ARHGEF11: variants seen among roughly 807,000 people sequenced by gnomAD.
The protein encoded by ARHGEF11 is Rho guanine exchange factor (GEF) 11.
ARHGEF11 carries 55 observed loss-of-function variants against 193.7 expected under a neutral mutation model. The ratio of observed to expected loss-of-function variants is 0.28; its 90% confidence interval spans 0.23 to 0.36. The LOEUF (loss-of-function observed/expected upper bound fraction) is 0.36. Ranked by LOEUF, ARHGEF11 falls within the 10% of genes least tolerant of loss-of-function variation. The pLI, the probability that ARHGEF11 is intolerant of heterozygous loss-of-function variation, is 1.00. For missense variants in ARHGEF11, 1,723 were observed against 2,005.6 expected (o/e 0.86, Z 2.69); for synonymous variants, 693 against 768.0 (o/e 0.90, Z 1.62).
chr1:156,984,902 G>C (rs1557903671), intron 2 of ARHGEF11, among the ~76,000 whole-genome samples: 1 of 151,992 alleles, frequency 6.6e-6, no homozygotes, highest in East Asian at 1.9e-4. Context: ...TTTTTATAGA[G>C]CTGGATAACT....
chr1:156,986,016 G>T, intron 2 of ARHGEF11, 66 bp downstream of exon 2: 1 of 1,363,264 alleles, frequency 7.3e-7, no homozygotes, highest in East Asian at 2.3e-5. Context: ...CTCCCAAGTA[G>T]CTGGGAATAC....
At chr1:156,976,883 G>C in intron 7 of ARHGEF11, 100 bp downstream of exon 7, 1 of 1,064,824 alleles carries the variant, frequency 9.4e-7, no homozygotes, top group Non-Finnish European at 1.4e-6. Flanking sequence ...ACTGTGATAG[G>C]ATATTGCCTG....
At chr1:156,996,290 G>C (rs865994526) in intron 1 of ARHGEF11, among the ~76,000 whole-genome samples, 1 of 152,146 alleles carries the variant, frequency 6.6e-6, no homozygotes, top group South Asian at 2.1e-4. Context: ...AAAGTGTGTT[G>C]GTAGTTACAA....
At chr1:156,950,108 A>G (rs1658850528) in intron 22 of ARHGEF11, among the ~76,000 whole-genome samples, 1 of 152,238 alleles carries the variant, frequency 6.6e-6, no homozygotes, top group Non-Finnish European at 1.5e-5. Context: ...TATCTACGAC[A>G]TCATGTGCTT....
chr1:156,956,639 C>G (rs753865129), intron 18 of ARHGEF11, 75 bp from the exon 19 acceptor site: 7 of 1,583,390 alleles, frequency 4.4e-6, no homozygotes. Context: ...TCTTCACCAC[C>G]ACGCAGTGGA....
rs1763911 is a variant in ARHGEF11 at position 157,012,476 on chromosome 1, T to C, written c.33-26303A>G. Among the ~76,000 whole-genome samples, 1,267 of 152,332 alleles carry C rather than the reference T, an allele frequency of 8.3e-3. 17 individuals are homozygous for C. The highest frequency in any genetic ancestry group is 0.02 in the Middle Eastern group (6 of 294). ...ATTTAAATGGATGAATTTTATGATA[T>C]GTGCAATATATTTCAAAAAAACGAT... On this transcript the variant is annotated intron_variant, in intron 1 of 40. Transcript: ENST00000368194.
intron 1 of ARHGEF11, among the ~76,000 whole-genome samples, chr1:156,998,122 C>T (rs1031409135): frequency 1.3e-5 from 2 of 152,202 alleles, no homozygotes; most frequent in African/African-American, 2.4e-5. Context: ...TCTCCTTGTT[C>T]GCTGGACTGT....
At chr1:157,001,930 C>T (rs551550076) in intron 1 of ARHGEF11, among the ~76,000 whole-genome samples, 4 of 152,286 alleles carry the variant, frequency 2.6e-5, no homozygotes, top group East Asian at 1.9e-4. Context: ...TCACAATTCA[C>T]GCAGCACAGT....
At chr1:156,952,105 T>C (rs985619395) in intron 21 of ARHGEF11, among the ~76,000 whole-genome samples, 2 of 152,132 alleles carry the variant, frequency 1.3e-5, no homozygotes, top group Non-Finnish European at 2.9e-5. Context: ...TGCCAAAATA[T>C]ATCAGACATT....
At chr1:156,983,952 C>A (rs1220475943) in intron 3 of ARHGEF11, among the ~76,000 whole-genome samples, 1 of 152,176 alleles carries the variant, frequency 6.6e-6, no homozygotes, top group Non-Finnish European at 1.5e-5. Flanking sequence ...AGGTTATAAA[C>A]CTCTGTAGAA....
At chr1:156,946,612 G>A (rs1171653840) in intron 28 of ARHGEF11, 50 bp downstream of exon 28, 2 of 1,612,772 alleles carry the variant, frequency 1.2e-6, no homozygotes, top group Admixed American at 1.7e-5. Context: ...GGAGATCCTT[G>A]GTGACCTTGA....
intron 7 of ARHGEF11, among the ~76,000 whole-genome samples, chr1:156,974,569 G>A (rs1232191946): frequency 5.3e-5 from 8 of 152,168 alleles, no homozygotes; most frequent in Non-Finnish European, 1.0e-4. Flanking sequence ...GTGGTCTCTA[G>A]TATATTCACG....
intron 1 of ARHGEF11, among the ~76,000 whole-genome samples, chr1:156,994,514 G>A (rs1282428711): frequency 6.6e-6 from 1 of 151,948 alleles, no homozygotes; most frequent in East Asian, 1.9e-4. Flanking sequence ...TCTAGGTAGG[G>A]CAGGGCCAGT....
At chr1:156,958,388 G>A (rs977519544) in intron 17 of ARHGEF11, among the ~76,000 whole-genome samples, 1 of 152,148 alleles carries the variant, frequency 6.6e-6, no homozygotes, top group Non-Finnish European at 1.5e-5. Flanking sequence ...TTATCCACTG[G>A]GCACACACAT....
At chr1:156,963,174 C>A (rs1204620503) in intron 13 of ARHGEF11, 29 bp downstream of exon 13, 3 of 1,567,830 alleles carry the variant, frequency 1.9e-6, no homozygotes, top group Non-Finnish European at 2.6e-6. Context: ...CCAGCAGGCA[C>A]TCAATCAAGA....
chr1:156,939,707 C>A lies in ARHGEF11; in HGVS notation c.3937G>T (p.Glu1313Ter). 6.2e-7 allele frequency: 1 copy of A among 1,614,114 alleles called. No individual in the cohort carries two copies. The highest frequency in any genetic ancestry group is 8.5e-7 in the Non-Finnish European group (1 of 1,180,022). The stretch of plus-strand genomic sequence containing the variant: ...CCCATGTCTTCCTGCTCTGGCCGTT[C>A]CCCCTCCAGCCCTGCAAGCTGGGTG... ...DNTQLAGLEGERPEQEDMGLC... is the reference protein window; with the variant it reads ...DNTQLAGLEG Residue 1313 changes from glutamate to a stop codon, truncating the protein, a stop_gained, in exon 37 of 41, where the codon GAA becomes TAA. Coordinates refer to ENST00000368194, the MANE Select transcript of ARHGEF11 (RefSeq NM_198236.3). LOFTEE classifies it high-confidence loss of function.
intron 7 of ARHGEF11, among the ~76,000 whole-genome samples, chr1:156,975,962 T>C (rs1328310497): frequency 1.3e-5 from 2 of 152,228 alleles, no homozygotes; most frequent in South Asian, 2.1e-4. Flanking sequence ...TCTTGATTAC[T>C]CTGACATTTG....
At chr1:157,030,325 T>A (rs565313287) in intron 1 of ARHGEF11, among the ~76,000 whole-genome samples, 1 of 152,018 alleles carries the variant, frequency 6.6e-6, no homozygotes, top group Non-Finnish European at 1.5e-5. Context: ...TTTGAGGAGA[T>A]TGCATCTTTC....
At chr1:156,957,743 C>G in intron 18 of ARHGEF11, 49 bp downstream of exon 18, 1 of 1,596,764 alleles carries the variant, frequency 6.3e-7, no homozygotes, top group Non-Finnish European at 8.6e-7. Context: ...AGCTCAACCC[C>G]ACTCCTTCCA....
Sources: gnomAD v4.1 joint callset for allele counts (sites outside exome capture counted in the v4.1 genomes callset) on GRCh38, gnomAD v4.1.1 for gene constraint, MANE v1.5 for transcripts, NCBI Gene and HGNC (gene_info 2026-07-23, HGNC 2026-07-21) for gene names.